ATP2C1: variants seen among roughly 807,000 people sequenced by gnomAD.
ATP2C1 encodes calcium-transporting ATPase type 2C member 1.
In ATP2C1, 31 loss-of-function variants were observed where a neutral mutation model predicts 120.5. The observed-to-expected ratio is 0.26, with a 90% CI of 0.19 to 0.35. The LOEUF is 0.35. Among genes scored for constraint, ATP2C1 ranks in the 10% least tolerant of loss-of-function variants. The pLI is 1.00. For synonymous variants in ATP2C1, 351 were observed against 358.7 expected (o/e 0.98, Z 0.24); for missense variants, 731 against 1,107.5 (o/e 0.66, Z 4.83).
chr3:130,907,774 G>T (rs2058205983), intron 2 of ATP2C1, among the ~76,000 whole-genome samples: 1 of 143,194 alleles, frequency 7.0e-6, no homozygotes. Flanking sequence ...TGGATCCCTT[G>T]CATTTCCATA....
chr3:130,989,582 A>C (rs970191822), intron 20 of ATP2C1, among the ~76,000 whole-genome samples: 3 of 151,820 alleles, frequency 2.0e-5, no homozygotes, highest in East Asian at 3.9e-4. Flanking sequence ...AAAAAAAAAA[A>C]ACACAAACCC....
intron 11 of ATP2C1, among the ~76,000 whole-genome samples, chr3:130,957,754 C>G (rs1309735222): frequency 6.6e-6 from 1 of 152,032 alleles, no homozygotes; most frequent in Non-Finnish European, 1.5e-5. Flanking sequence ...GATTTTACCA[C>G]ATTGGCCAGG....
intron 20 of ATP2C1, among the ~76,000 whole-genome samples, chr3:130,988,652 A>T (rs954345404): frequency 3.9e-5 from 6 of 152,156 alleles, no homozygotes; most frequent in Non-Finnish European, 8.8e-5. Flanking sequence ...TCTGCCTCCC[A>T]TAAAGATTTA....
At chr3:131,000,157 A>G (rs773928655) in intron 27 of ATP2C1, among the ~76,000 whole-genome samples, 22 of 152,316 alleles carry the variant, frequency 1.4e-4, no homozygotes, top group Non-Finnish European at 3.1e-4. Flanking sequence ...TTCTTACATT[A>G]CCATTTATTA....
At chr3:130,962,907 A>G (rs1000599839) in intron 12 of ATP2C1, 6 of 151,890 alleles carry the variant, frequency 4.0e-5, no homozygotes, top group African/African-American at 1.4e-4. Flanking sequence ...CAACCAGTAA[A>G]TAAAGCATGA....
intron 1 of ATP2C1, among the ~76,000 whole-genome samples, chr3:130,884,710 G>C (rs1186391652): frequency 6.6e-6 from 1 of 152,026 alleles, no homozygotes; most frequent in Non-Finnish European, 1.5e-5. Context: ...ATTTATAATT[G>C]TTATATCCTC....
intron 1 of ATP2C1, among the ~76,000 whole-genome samples, chr3:130,862,263 A>T (rs1003674335): frequency 1.3e-5 from 2 of 150,836 alleles, no homozygotes; most frequent in African/African-American, 4.9e-5. Context: ...GATTATAGGC[A>T]TGAGCCACTG....
At position 130,930,469 on chromosome 3, in the gene ATP2C1, A is replaced by C; in HGVS notation, c.60A>C (p.Val20=). 6.2e-7 allele frequency: 1 copy of C among 1,613,612 alleles called. No individual in the cohort carries two copies. Among genetic ancestry groups the C allele is most frequent in the Admixed American group, 1.7e-5 (1 of 60,022 alleles). ...GTGAAAATGAGACAATGATTCCTGT[A>C]TTGACATCAAAAAAAGCAAGTGAAT... ...PNGENETMIP[V]LTSKKASELP... Residue 20 remains valine, a synonymous_variant, in exon 3 of 28, where the codon GTA becomes GTC. Transcript: ENST00000510168.
chr3:130,932,199 G>GTAGT, intron 4 of ATP2C1, 61 bp downstream of exon 4: 1 of 1,033,528 alleles, frequency 9.7e-7, no homozygotes. Flanking sequence ...CTTCTGTTAT[G>GTAGT]TAGTTGCTTA....
intron 2 of ATP2C1, chr3:130,899,585 A>G (rs1315629747): frequency 2.6e-5 from 4 of 152,200 alleles, no homozygotes; most frequent in Non-Finnish European, 4.4e-5. Flanking sequence ...GTTGAAACTC[A>G]TGTTGTTAAA....
chr3:130,931,189 AAT>A (rs1559937807), intron 3 of ATP2C1, among the ~76,000 whole-genome samples: 1 of 151,930 alleles, frequency 6.6e-6, no homozygotes. Context: ...ACTTATTTGT[AAT>A]ATGTTTGTTT....
intron 4 of ATP2C1, 67 bp from the exon 5 acceptor site, chr3:130,934,554 TA>T: frequency 1.6e-5 from 16 of 1,020,864 alleles, no homozygotes; most frequent in East Asian, 2.4e-5. Flanking sequence ...TTTTTTTTTT[TA>T]AAGCCTTTGC....
chr3:131,015,997 AGTG>A (rs2063609150), intron 26 of ATP2C1: 1 of 980,096 alleles, frequency 1.0e-6, no homozygotes, highest in African/African-American at 1.6e-5. Flanking sequence ...CAGCTGTAAC[AGTG>A]ACTCAAAATC....
chr3:130,955,134 T>C, intron 10 of ATP2C1, 54 bp downstream of exon 10: 1 of 1,187,192 alleles, frequency 8.4e-7, no homozygotes. Context: ...AATTCTTCAT[T>C]GTAAGTAGAG....
At chr3:130,919,079 C>A in intron 2 of ATP2C1, 3 of 476,184 alleles carry the variant, frequency 6.3e-6, no homozygotes, top group East Asian at 6.0e-5. Context: ...ACGGCCCTCC[C>A]GCAGACCCCA....
At chr3:130,940,471 T>A (rs2059844724) in intron 6 of ATP2C1, among the ~76,000 whole-genome samples, 159 bp from the exon 7 acceptor site, 1 of 152,172 alleles carries the variant, frequency 6.6e-6, no homozygotes, top group African/African-American at 2.4e-5. Context: ...TTTAACATTT[T>A]AAAATAAGGG....
intron 1 of ATP2C1, among the ~76,000 whole-genome samples, chr3:130,888,966 A>G (rs1168726029): frequency 1.3e-5 from 2 of 152,210 alleles, no homozygotes; most frequent in Non-Finnish European, 2.9e-5. Context: ...AAACACTGAA[A>G]TAAATGTGAG....
rs1285768576 is a variant in ATP2C1 at position 130,923,372 on chromosome 3, A to G, written c.7-7044A>G. Among the ~76,000 whole-genome samples the G allele has an allele frequency of 2.6e-5, 4 of 151,834 alleles. 1 individual carries two copies. The highest frequency in any genetic ancestry group is 9.7e-5 in the African/African-American group (4 of 41,362). On this transcript the variant is annotated intron_variant, in intron 2 of 27. Coordinates refer to ENST00000510168, the MANE Select transcript of ATP2C1 (RefSeq NM_001378687.1). The stretch of plus-strand genomic sequence containing the variant: ...CTCCCGAGTAGCTGGGATTACAGGC[A>G]CACACCACCATGCCTGGCTAATTTT...
chr3:130,900,212 A>T (rs1038293570), intron 2 of ATP2C1, among the ~76,000 whole-genome samples: 4 of 152,010 alleles, frequency 2.6e-5, no homozygotes, highest in African/African-American at 9.7e-5. Context: ...ATAAGCACAC[A>T]TCACTATACC....
Sources: gnomAD v4.1 joint callset for allele counts (sites outside exome capture counted in the v4.1 genomes callset) on GRCh38, gnomAD v4.1.1 for gene constraint, MANE v1.5 for transcripts, NCBI Gene and HGNC (gene_info 2026-07-23, HGNC 2026-07-21) for gene names.